TSR1: variants seen among roughly 807,000 people sequenced by gnomAD.
TSR1 encodes pre-rRNA-processing protein TSR1 homolog.
A neutral mutation model predicts 90.9 loss-of-function variants in TSR1; 81 were observed. The observed-to-expected ratio is 0.89, with a 90% CI of 0.74 to 1.07. TSR1 has a LOEUF of 1.07. Ranked by LOEUF, TSR1 falls within the 50% of genes least tolerant of loss-of-function variation. The pLI, the probability that TSR1 is intolerant of heterozygous loss-of-function variation, is 0.00. For synonymous variants in TSR1, 362 were observed against 348.8 expected (o/e 1.04, Z -0.42); for missense variants, 989 against 987.3 (o/e 1.00, Z -0.02).
chr17:2,334,849 C>CT lies in TSR1; in HGVS notation c.603dup (p.Asp202ArgfsTer8). ...GCTTTACTTAGCTTCTTCCTGGTAT[C>CT]TATTTGTTTCTTCAGTGGGAGGCCA... On this transcript the variant is annotated frameshift_variant, in exon 5 of 15. Coordinates refer to ENST00000301364, the MANE Select transcript of TSR1 (RefSeq NM_018128.5). LOFTEE classifies it high-confidence loss of function. 6.2e-7 allele frequency: 1 copy of CT among 1,613,886 alleles called. No homozygotes were observed. Among genetic ancestry groups the CT allele is most frequent in the Non-Finnish European group, 8.5e-7 (1 of 1,179,926 alleles).
intron 7 of TSR1, 37 bp downstream of exon 7, chr17:2,332,924 C>A (rs368885078): frequency 1.0e-5 from 16 of 1,599,770 alleles, no homozygotes; most frequent in Non-Finnish European, 1.4e-5. Context: ...ACATTTGGAG[C>A]TAGACACAGA....
At chr17:2,327,181 C>T (rs1475950629) in intron 11 of TSR1, among the ~76,000 whole-genome samples, 2 of 151,922 alleles carry the variant, frequency 1.3e-5, no homozygotes, top group Admixed American at 1.3e-4. Context: ...CTTTGGGAGG[C>T]CAAGGCACGT....
rs1212329099 is a variant in TSR1, at chr17:2,334,660, C to T, written c.793G>A (p.Glu265Lys). Residue 265 changes from glutamate to lysine, a missense_variant, in exon 5 of 15, where the codon GAG becomes AAG. Glu to Lys is a moderately conservative substitution (Grantham distance 56, BLOSUM62 1). Coordinates refer to ENST00000301364, the MANE Select transcript of TSR1 (RefSeq NM_018128.5). Reference protein sequence around the residue: ...AHAVDFVPSEENNLVGTLKIS... With the variant: ...AHAVDFVPSEKNNLVGTLKIS... ...TTCAAGGTGCCCACCAAGTTATTCT[C>T]TTCACTAGGAACAAAATCAACAGCA... 1 of 1,613,750 alleles carries T rather than the reference C, an allele frequency of 6.2e-7. No homozygotes were observed. The highest frequency in any genetic ancestry group is 8.5e-7 in the Non-Finnish European group (1 of 1,180,044).
Position 2,329,265 on chromosome 17 carries a change from A to T in TSR1, c.1903+78T>A. 4 of 1,598,928 alleles carry T rather than the reference A, an allele frequency of 2.5e-6. 1 individual carries two copies. The Admixed American group carries it at 5.0e-5, about 20-fold the overall frequency. ...CAGAGATGTAAGATTTTGAAACCAT[A>T]TATTTTGGCACCCCTCCACCACAAG... is the stretch of plus-strand genomic sequence containing the variant. On this transcript the variant is annotated intron_variant, in intron 11 of 14. Coordinates refer to ENST00000301364, the MANE Select transcript of TSR1 (RefSeq NM_018128.5).
intron 4 of TSR1, 134 bp downstream of exon 4, chr17:2,335,126 A>C (rs1322451605): frequency 1.8e-6 from 2 of 1,126,688 alleles, no homozygotes; most frequent in Non-Finnish European, 2.5e-6. Context: ...ATCTGTAAAC[A>C]ATGGATCAAG....
At chr17:2,325,523 A>G in intron 11 of TSR1, 103 bp from the exon 12 acceptor site, 1 of 842,906 alleles carries the variant, frequency 1.2e-6, no homozygotes, top group East Asian at 2.6e-5. Flanking sequence ...AACCTATGGC[A>G]GCTTCTACTT....
At chr17:2,333,363 C>T (rs1347353150) in intron 6 of TSR1, 194 bp downstream of exon 6, 6 of 882,064 alleles carry the variant, frequency 6.8e-6, no homozygotes, top group South Asian at 2.9e-5. Flanking sequence ...AACATTAACA[C>T]AAGTAATTTT....
At position 2,333,691 on chromosome 17, in the gene TSR1, T is replaced by C; in HGVS notation, c.1007A>G (p.Asp336Gly). Reference sequence around the variant, plus strand: ...TAGGACTTTAAGACCTTCTTCCATATCATCTACAGCATCCGTAGCACAAAT... The same window carrying C: ...TAGGACTTTAAGACCTTCTTCCATACCATCTACAGCATCCGTAGCACAAAT... ...MEICATDAVD[D>G]MEEGLKVLMK... The change falls in exon 6 of 15, where the codon GAT becomes GGT. Residue 336 changes from aspartate to glycine, a missense_variant. Transcript: ENST00000301364. 1 of 1,614,110 alleles carries C rather than the reference T, an allele frequency of 6.2e-7. No individual in the cohort carries two copies. Among genetic ancestry groups the C allele is most frequent in the Non-Finnish European group, 8.5e-7 (1 of 1,180,036 alleles).
At chr17:2,332,859 A>G (rs930590937) in intron 7 of TSR1, 102 bp downstream of exon 7, 4 of 1,187,124 alleles carry the variant, frequency 3.4e-6, no homozygotes, top group Non-Finnish European at 3.5e-6. Context: ...TAAAAAAAAT[A>G]AAAAAAAGAA....
intron 6 of TSR1, 189 bp from the exon 7 acceptor site, chr17:2,333,313 C>A (rs1452371058): frequency 1.5e-5 from 13 of 851,084 alleles, no homozygotes; most frequent in Non-Finnish European, 2.1e-5. Flanking sequence ...GCTAAATAAG[C>A]CCTGCAATGA....
rs1257858843 is a variant in TSR1, at chr17:2,324,821, T to C, written c.2029A>G (p.Ser677Gly). The change falls in exon 13 of 15, where the codon AGC (serine) becomes GGC (glycine). Residue 677 changes from serine to glycine, a missense_variant. Coordinates refer to ENST00000301364, the MANE Select transcript of TSR1 (RefSeq NM_018128.5). ...ATAAGATGGCCTGTAGCAATGAGGC[T>C]GTGCATTCCTAAAGGACAAAAGCAA... The part of the protein sequence containing the change: ...LFKQKSNGMH[S>G]LIATGHLMSV... The C allele has an allele frequency of 6.2e-7, 1 of 1,608,966 alleles. No individual in the cohort carries two copies. Among genetic ancestry groups the C allele is most frequent in the African/African-American group, 1.3e-5 (1 of 74,758 alleles).
chr17:2,329,155 C>A (rs936965458), intron 11 of TSR1, 188 bp downstream of exon 11: 2 of 935,178 alleles, frequency 2.1e-6, no homozygotes, highest in Non-Finnish European at 3.5e-6. Context: ...GAAGTTGCAT[C>A]ACTGGGATGC....
At chr17:2,332,388 A>G (rs755492667) in intron 7 of TSR1, 29 bp from the exon 8 acceptor site, 4 of 1,558,248 alleles carry the variant, frequency 2.6e-6, no homozygotes, top group South Asian at 2.4e-5. Flanking sequence ...GTTTTTTCAG[A>G]AGAAATCCAC....
Position 2,323,156 on chromosome 17 carries a change from G to A in TSR1, c.*1040C>T. On this transcript the variant is annotated 3_prime_UTR_variant, in exon 15 of 15. Coordinates refer to ENST00000301364, the MANE Select transcript of TSR1 (RefSeq NM_018128.5). ...CCCAGGCTCTGAAACCTAGTGTGAA[G>A]GTATATGCTGCTGAACCCTCAAATG... is the stretch of plus-strand genomic sequence containing the variant. The A allele has an allele frequency of 6.2e-7, 1 of 1,614,198 alleles. No individual in the cohort carries two copies. The highest frequency in any genetic ancestry group is 8.5e-7 in the Non-Finnish European group (1 of 1,180,048).
At chr17:2,335,781 C>G (rs779379667) in intron 2 of TSR1, 51 bp from the exon 3 acceptor site, 5 of 1,565,900 alleles carry the variant, frequency 3.2e-6, no homozygotes, top group Non-Finnish European at 4.3e-6. Flanking sequence ...GTACTTCACT[C>G]CAGCATTGCA....
Position 2,335,346 on chromosome 17 carries a change from A to T in TSR1, c.470T>A (p.Leu157Gln). The T allele has an allele frequency of 5.0e-6, 8 of 1,614,054 alleles. No individual in the cohort carries two copies. Among genetic ancestry groups the T allele is most frequent in the Non-Finnish European group, 6.8e-6 (8 of 1,180,018 alleles). ...GCCTTCTAGTGGATCAAGGAGGAAC[A>T]GGATGGTATCAGCTACTTTAGCCAT... is the stretch of plus-strand genomic sequence containing the variant. The part of the protein sequence containing the change: ...LDMAKVADTI[L>Q]FLLDPLEGWD... Residue 157 changes from leucine (L) to glutamine (Q), a missense_variant, in exon 4 of 15, where the codon CTG becomes CAG. Transcript: ENST00000301364.
rs754572587 is a variant in TSR1, at chr17:2,333,546, C to T, written c.1141+11G>A. On this transcript the variant is annotated intron_variant, in intron 6 of 14. Coordinates refer to ENST00000301364, the MANE Select transcript of TSR1 (RefSeq NM_018128.5). ...GTCAGATGAATTACAGACAAGTTTACCAATACTGACCCTTTGCCTCGCTCA... is the reference window on the plus strand; with the variant it reads ...GTCAGATGAATTACAGACAAGTTTATCAATACTGACCCTTTGCCTCGCTCA... The T allele has an allele frequency of 1.9e-6, 3 of 1,614,002 alleles. No homozygotes were observed. The highest frequency in any genetic ancestry group is 8.5e-7 in the Non-Finnish European group (1 of 1,179,948).
At chr17:2,329,321 A>C in intron 11 of TSR1, 22 bp downstream of exon 11, 1 of 1,613,300 alleles carries the variant, frequency 6.2e-7, no homozygotes, top group Non-Finnish European at 8.5e-7. Flanking sequence ...ATGGACAAGA[A>C]CCCAGCTTCC....
chr17:2,327,781 C>G (rs1397014557), intron 11 of TSR1, among the ~76,000 whole-genome samples: 1 of 151,878 alleles, frequency 6.6e-6, no homozygotes, highest in East Asian at 1.9e-4. Flanking sequence ...TTTACAATTA[C>G]AATCCAAATT....
Sources: allele counts gnomAD v4.1 joint callset (sites outside exome capture counted in the v4.1 genomes callset), GRCh38; gene constraint gnomAD v4.1.1; transcripts MANE v1.5; gene names NCBI Gene and HGNC (gene_info 2026-07-23, HGNC 2026-07-21).